LRP4: variants seen among roughly 807,000 people sequenced by gnomAD.
LRP4 encodes the protein LDL receptor related protein 4.
LRP4 carries 95 observed loss-of-function variants against 220.3 expected under a neutral mutation model. That is an observed-to-expected ratio of 0.43 (90% confidence interval 0.37 to 0.51). The LOEUF (loss-of-function observed/expected upper bound fraction) is 0.51, where lower values mean the gene tolerates loss of function less well. LRP4 is among the 20% of genes least tolerant of loss of function. The probability of loss-of-function intolerance (pLI) is 0.00; values close to 1 mark genes in which losing one functional copy is unlikely to be tolerated. For missense variants in LRP4, 1,925 were observed against 2,567.0 expected (o/e 0.75, Z 5.40); for synonymous variants, 903 against 954.6 (o/e 0.95, Z 1.00).
At chr11:46,867,897 C>G in intron 34 of LRP4, 82 bp downstream of exon 34, 1 of 1,552,594 alleles carries the variant, frequency 6.4e-7, no homozygotes, top group Non-Finnish European at 8.9e-7. Flanking sequence ...TCCCAACTGC[C>G]TTATCAAGCT....
intron 1 of LRP4, among the ~76,000 whole-genome samples, chr11:46,909,611 CAAAAAAAAAAAAAAAA>C (rs71042636): frequency 3.9e-4 from 18 of 46,096 alleles, no homozygotes; most frequent in South Asian, 1.4e-3. Context: ...GACTCCGTCT[CAAAAAAAAAAAAAAAA>C]AAAAAAAAAA....
chr11:46,896,091 T>C, intron 9 of LRP4, 73 bp from the exon 10 acceptor site: 1 of 1,612,388 alleles, frequency 6.2e-7, no homozygotes, highest in South Asian at 1.1e-5. Context: ...GCATTCCACC[T>C]GGACCACAAA....
At chr11:46,880,049 G>A (rs1941114640) in intron 20 of LRP4, among the ~76,000 whole-genome samples, 1 of 152,204 alleles carries the variant, frequency 6.6e-6, no homozygotes, top group African/African-American at 2.4e-5. Flanking sequence ...AGATTGCAGT[G>A]AGCTGAGATC....
chr11:46,870,409 C>A (rs1223796035), intron 31 of LRP4, among the ~76,000 whole-genome samples: 3 of 152,052 alleles, frequency 2.0e-5, no homozygotes, highest in African/African-American at 7.2e-5. Flanking sequence ...TTTCTTCTTT[C>A]CTTTCTGTCT....
At chr11:46,864,082 T>C (rs536451268) in intron 36 of LRP4, among the ~76,000 whole-genome samples, 21 of 152,114 alleles carry the variant, frequency 1.4e-4, no homozygotes, top group Non-Finnish European at 2.6e-4. Context: ...AAGGGGAAAA[T>C]CATTTCCAAT....
chr11:46,891,546 T>C (rs910390739), intron 13 of LRP4, among the ~76,000 whole-genome samples: 1 of 152,076 alleles, frequency 6.6e-6, no homozygotes, highest in Non-Finnish European at 1.5e-5. Context: ...CCTCCATTGA[T>C]TGCATAGAAT....
Position 46,899,894 on chromosome 11 carries a change from A to G in LRP4, c.399T>C (p.Asn133=). 1 of 1,613,966 alleles carries G rather than the reference A, an allele frequency of 6.2e-7. No individual in the cohort carries two copies. Among genetic ancestry groups the G allele is most frequent in the South Asian group, 1.1e-5 (1 of 91,084 alleles). ...GCTCATCGCTGTTGTCGCCACAGTC[A>G]TTGTCACCATCGCAGTGCCACAGAC... The part of the protein sequence containing the change: ...IRSLWHCDGD[N]DCGDNSDEQC... Residue 133 remains asparagine, a synonymous_variant, in exon 4 of 38, where the codon AAT becomes AAC. Transcript: ENST00000378623. This position sits in a 1 kb window ranked among gnomAD's most constrained non-coding sequence, Gnocchi z 5.9.
Position 46,863,584 on chromosome 11 carries a change from CAAAAAAAAAAAAAA to C in LRP4, c.5243+850_5244-838del, listed in dbSNP as rs55744712. 2.6e-4 allele frequency among the ~76,000 whole-genome samples: 14 copies of C among 54,138 alleles called. No homozygotes were observed. The South Asian group carries it at 7.9e-3, about 31-fold the overall frequency. The allele number at this position is 54,138 out of a possible 152,430, so 35.5% of individuals were successfully genotyped here. On this transcript the variant is annotated intron_variant, in intron 36 of 37. Coordinates refer to ENST00000378623, the MANE Select transcript of LRP4 (RefSeq NM_002334.4). ...AGAAACCCTCTCTCTACTAAAAATACAAAAAAAAAAAAAAAAAAAAAAAAATTAGCTGGGCATGG... is the reference window on the plus strand; with the variant it reads ...AGAAACCCTCTCTCTACTAAAAATACAAAAAAAAAAATTAGCTGGGCATGG...
At position 46,890,889 on chromosome 11, in the gene LRP4, C is replaced by T. The variant is rs938471897; in HGVS notation, c.1698-395G>A. On this transcript the variant is annotated intron_variant, in intron 13 of 37. Coordinates refer to ENST00000378623, the MANE Select transcript of LRP4 (RefSeq NM_002334.4). This position sits in a 1 kb window ranked among gnomAD's most constrained non-coding sequence, Gnocchi z 5.3. ...GATTATAGGCATGAGTCACCATGCC[C>T]AGCCTCAGAATGCTTTTTAAGTGTC... Among the ~76,000 whole-genome samples, 7 of 152,114 alleles carry T rather than the reference C, an allele frequency of 4.6e-5. No homozygotes were observed. The highest frequency in any genetic ancestry group is 9.7e-5 in the African/African-American group (4 of 41,414).
intron 1 of LRP4, among the ~76,000 whole-genome samples, chr11:46,917,745 G>A (rs1456375666): frequency 2.0e-5 from 3 of 152,124 alleles, no homozygotes; most frequent in African/African-American, 4.8e-5. Flanking sequence ...AAACACCGCC[G>A]AGGGGAGATG....
In LRP4 at chr11:46,859,199, C is replaced by G. The variant is rs1940470039; in HGVS notation, c.5502G>C (p.Gly1834=). 6.2e-7 allele frequency: 1 copy of G among 1,614,148 alleles called. No homozygotes were observed. The highest frequency in any genetic ancestry group is 8.5e-7 in the Non-Finnish European group (1 of 1,180,020). Residue 1834 remains glycine, a synonymous_variant, in exon 38 of 38, where the codon GGG becomes GGC. Coordinates refer to ENST00000378623, the MANE Select transcript of LRP4 (RefSeq NM_002334.4). ...TGCATACATGATCCCGGAGGAGGCC[C>G]CCCCGTGAGCTTCGCAGTTGCTTGA... ...DDLKQLRSSR[G]GLLRDHVCMK...
Position 46,918,311 on chromosome 11 carries a change from C to A in LRP4, c.52+17G>T. The A allele has an allele frequency of 6.6e-7, 1 of 1,509,464 alleles. No individual in the cohort carries two copies. The highest frequency in any genetic ancestry group is 1.2e-5 in the South Asian group (1 of 81,676). 93.5% of individuals were successfully genotyped at this position (1,509,464 alleles called of 1,614,324 possible). On this transcript the variant is annotated intron_variant, in intron 1 of 37. Coordinates refer to ENST00000378623, the MANE Select transcript of LRP4 (RefSeq NM_002334.4). This position sits in a 1 kb window ranked among gnomAD's most constrained non-coding sequence, Gnocchi z 6.0. ...GGCCGGACCCAGGGACAAACTTTCC[C>A]GGCGGGCGCCGCTTACCGTGTGCGC...
At chr11:46,876,699 C>G in intron 24 of LRP4, 45 bp downstream of exon 24, 1 of 1,614,040 alleles carries the variant, frequency 6.2e-7, no homozygotes, top group Non-Finnish European at 8.5e-7. Flanking sequence ...ATTTCCCCAG[C>G]CCTGTTGCCA....
In LRP4 at chr11:46,879,156, T is replaced by A; in HGVS notation, c.2974A>T (p.Ile992Phe). 1 of 1,614,152 alleles carries A rather than the reference T, an allele frequency of 6.2e-7. No individual in the cohort carries two copies. Among genetic ancestry groups the A allele is most frequent in the Non-Finnish European group, 8.5e-7 (1 of 1,180,020 alleles). The change falls in exon 21 of 38, where the codon ATC becomes TTC. Residue 992 changes from isoleucine (I) to phenylalanine (F), a missense_variant. By Grantham distance (21) the Ile-to-Phe change is conservative. Around this residue, in one of 3 missense-constraint regions of LRP4, gnomAD observed 1,244 missense variants for 1,624.9 expected, o/e 0.77. Coordinates refer to ENST00000378623, the MANE Select transcript of LRP4 (RefSeq NM_002334.4). The stretch of plus-strand genomic sequence containing the variant: ...GGCCGGCGGCGGTGGAAGACATGGA[T>A]GTCCATTAGGTTTTCCAGGTTCTCC... ...LQENLENLMD[I>F]HVFHRRRPPV...
At chr11:46,861,980 A>ATCAC (rs1940566528) in intron 37 of LRP4, among the ~76,000 whole-genome samples, 1 of 151,636 alleles carries the variant, frequency 6.6e-6, no homozygotes, top group South Asian at 2.1e-4. Flanking sequence ...AGGCAGGAGA[A>ATCAC]TCACTTGAAC....
rs1940792639 is a variant in LRP4 at position 46,869,158 on chromosome 11, C to A, written c.4693-26G>T. On this transcript the variant is annotated intron_variant, in intron 31 of 37. Coordinates refer to ENST00000378623, the MANE Select transcript of LRP4 (RefSeq NM_002334.4). The stretch of plus-strand genomic sequence containing the variant: ...CTACTCAACAGGGGAAGCCCAAAAA[C>A]AGTAAATATTATTCAGCAAGCAGAC... The A allele has an allele frequency of 1.9e-6, 3 of 1,610,882 alleles. No homozygotes were observed. In the East Asian group the frequency reaches 6.7e-5, roughly 36 times the overall value.
intron 15 of LRP4, 163 bp downstream of exon 15, chr11:46,889,781 C>A: frequency 1.2e-6 from 1 of 866,932 alleles, no homozygotes; most frequent in Non-Finnish European, 1.9e-6. Context: ...TGTTGTACTG[C>A]CCCGAATGTC....
intron 18 of LRP4, 30 bp from the exon 19 acceptor site, chr11:46,884,006 T>C (rs751429177): frequency 4.9e-5 from 76 of 1,564,752 alleles, no homozygotes; most frequent in Non-Finnish European, 6.7e-5. Flanking sequence ...AGATTAATTC[T>C]AGTCTTGTTC....
At chr11:46,861,647 T>C (rs1478974229) in intron 37 of LRP4, among the ~76,000 whole-genome samples, 1 of 151,324 alleles carries the variant, frequency 6.6e-6, no homozygotes, top group East Asian at 1.9e-4. Flanking sequence ...TACCTCAGCC[T>C]CCTGTGTAGC....
Sources: gnomAD v4.1 joint callset for allele counts (sites outside exome capture counted in the v4.1 genomes callset) on GRCh38, gnomAD v4.1.1 for gene constraint, gnomAD v4.1.1 regional missense constraint, Gnocchi (gnomAD v3.1) non-coding constraint, MANE v1.5 for transcripts, NCBI Gene and HGNC (gene_info 2026-07-23, HGNC 2026-07-21) for gene names.